CTBP2: variants seen among roughly 807,000 people sequenced by gnomAD.
The protein encoded by CTBP2 is C-terminal binding protein 2, also known as C-terminal-binding protein 2.
Under a neutral mutation model 80.3 loss-of-function variants are expected in CTBP2, and 30 were observed. That is an observed-to-expected ratio of 0.37 (90% CI 0.28 to 0.51). CTBP2 has a LOEUF of 0.51. Among genes scored for constraint, CTBP2 ranks in the 20% least tolerant of loss-of-function variants. CTBP2 has a pLI of 0.93. For synonymous variants in CTBP2, 594 were observed against 587.4 expected, an observed-to-expected ratio of 1.01 and a Z score of -0.16; for missense variants, 1,212 against 1,375.3, an observed-to-expected ratio of 0.88 and a Z score of 1.88.
At chr10:125,038,434 C>T (rs1340309794) in intron 3 of CTBP2, among the ~76,000 whole-genome samples, 2 of 152,174 alleles carry the variant, frequency 1.3e-5, no homozygotes, top group Non-Finnish European at 2.9e-5. Flanking sequence ...CACCCGCTAG[C>T]TGGAAGAGCG....
rs1162192536 is a variant in CTBP2, at chr10:125,027,026, C to T, written c.734G>A (p.Ser245Asn). 2 of 1,613,500 alleles carry T rather than the reference C, an allele frequency of 1.2e-6. No homozygotes were observed. The highest frequency in any genetic ancestry group is 1.3e-5 in the African/African-American group (1 of 74,948). Reference sequence around the variant, plus strand: ...CAGGGCCCCTGGGGCCACCCCTGTGCTGCCTTCGGGGGCAGCAGCTGAACT... The same window carrying T: ...CAGGGCCCCTGGGGCCACCCCTGTGTTGCCTTCGGGGGCAGCAGCTGAACT... Residue 245 changes from serine (S) to asparagine (N), a missense_variant, in exon 1 of 9, where the codon AGC (serine) becomes AAC (asparagine). Ser to Asn is a conservative substitution (Grantham distance 46). This residue lies in a region of CTBP2 where 848 missense variants were observed against 782.3 expected (regional missense o/e 1.08). Transcript: ENST00000309035.
At chr10:125,044,146 G>A (rs1960622122) in intron 2 of CTBP2, among the ~76,000 whole-genome samples, 1 of 152,190 alleles carries the variant, frequency 6.6e-6, no homozygotes, top group Non-Finnish European at 1.5e-5. Context: ...CCACCCTTCT[G>A]AGCCTGGGAT....
chr10:125,085,240 C>T (rs981567207), intron 2 of CTBP2, among the ~76,000 whole-genome samples: 4 of 152,138 alleles, frequency 2.6e-5, no homozygotes, highest in Non-Finnish European at 4.4e-5. Flanking sequence ...AGAGAAAAGC[C>T]GCCAACATTT....
At chr10:125,018,674 T>C (rs934084085) in intron 1 of CTBP2, among the ~76,000 whole-genome samples, 1 of 152,204 alleles carries the variant, frequency 6.6e-6, no homozygotes, top group African/African-American at 2.4e-5. Context: ...ACCTCGGCCC[T>C]GGCAAAGGGG....
At chr10:125,009,012 T>C (rs1438467387) in intron 1 of CTBP2, among the ~76,000 whole-genome samples, 2 of 152,198 alleles carry the variant, frequency 1.3e-5, no homozygotes, top group Admixed American at 1.3e-4. Flanking sequence ...AAGTTCTAAG[T>C]TGCTAGCCAA....
chr10:124,985,178 G>A lies in CTBP2; in HGVS notation c.*4340C>T. On this transcript the variant is annotated 3_prime_UTR_variant, in exon 9 of 9. Transcript: ENST00000309035. ...TGCCTCTGCTGCGTGAGGAGACAGA[G>A]AACTTTAGTTGGACTACAGTTTGTA... 1.9e-6 allele frequency: 1 copy of A among 515,744 alleles called. No homozygotes were observed. The highest frequency in any genetic ancestry group is 3.4e-6 in the Non-Finnish European group (1 of 293,966). 31.9% of individuals were successfully genotyped at this position (515,744 alleles called of 1,614,324 possible).
At chr10:125,031,939 G>T (rs1160594835), upstream of CTBP2, among the ~76,000 whole-genome samples, 1 of 152,164 alleles carries the variant, frequency 6.6e-6, no homozygotes, top group Non-Finnish European at 1.5e-5. Flanking sequence ...ATTTAGCCAT[G>T]GTAAGTGAAA....
intron 4 of CTBP2, 192 bp downstream of exon 6, chr10:124,997,772 A>T (rs1953828952): frequency 4.9e-6 from 3 of 607,232 alleles, no homozygotes; most frequent in East Asian, 2.8e-5. Flanking sequence ...ACCAGCCCAG[A>T]TCCTGCCTCT....
At chr10:125,070,024 T>TTATA (rs144159067) in intron 2 of CTBP2, among the ~76,000 whole-genome samples, 1 of 151,238 alleles carries the variant, frequency 6.6e-6, no homozygotes, top group African/African-American at 2.4e-5. Flanking sequence ...CTCAGCAGTT[T>TTATA]TATATATATA....
intron 2 of CTBP2, among the ~76,000 whole-genome samples, chr10:125,072,039 C>A (rs1845563638): frequency 6.6e-6 from 1 of 152,168 alleles, no homozygotes; most frequent in Admixed American, 6.5e-5. Flanking sequence ...GAGACCTGGA[C>A]ATGGGCTTTT....
chr10:125,016,268 C>T (rs187067700), intron 1 of CTBP2, among the ~76,000 whole-genome samples: 19 of 152,280 alleles, frequency 1.2e-4, no homozygotes, highest in African/African-American at 2.9e-4. Flanking sequence ...TGCAGCGAGC[C>T]GAGTGCCACT....
chr10:125,080,043 T>A (rs962961148), intron 2 of CTBP2, among the ~76,000 whole-genome samples: 1 of 152,220 alleles, frequency 6.6e-6, no homozygotes, highest in Non-Finnish European at 1.5e-5. Flanking sequence ...AAATAAAACG[T>A]TCCTCCAAGT....
chr10:125,040,062 T>C (rs901710695), intron 2 of CTBP2, among the ~76,000 whole-genome samples: 2 of 152,178 alleles, frequency 1.3e-5, no homozygotes, highest in Admixed American at 6.5e-5. Context: ...CTGTCACCAA[T>C]GTGCCCGGTG....
At chr10:124,997,010 C>T (rs1226402027) in intron 4 of CTBP2, 11 of 152,406 alleles carry the variant, frequency 7.2e-5, no homozygotes, top group African/African-American at 2.7e-4. Context: ...CTCTCTTGTT[C>T]AAGTGGCACC....
At chr10:125,141,723 G>A (rs148369360) in intron 1 of CTBP2, among the ~76,000 whole-genome samples, 1 of 152,050 alleles carries the variant, frequency 6.6e-6, no homozygotes, top group African/African-American at 2.4e-5. Context: ...GCAAGTACAT[G>A]GCAAATGCAC....
intron 2 of CTBP2, among the ~76,000 whole-genome samples, chr10:125,039,613 A>G (rs571278605): frequency 4.0e-4 from 61 of 152,320 alleles, no homozygotes; most frequent in African/African-American, 1.4e-3. Context: ...AGTTACAACA[A>G]TGCTTTCCAA....
At chr10:125,105,953 C>T (rs559616316) in intron 2 of CTBP2, among the ~76,000 whole-genome samples, 1 of 152,208 alleles carries the variant, frequency 6.6e-6, no homozygotes, top group Non-Finnish European at 1.5e-5. Flanking sequence ...AAGTGAGGCT[C>T]TGGCCCTGCC....
In CTBP2 at chr10:124,995,892, C is replaced by A. The variant is rs2280617; in HGVS notation, c.2186-1209G>T. Among the ~76,000 whole-genome samples, 357 of 152,130 alleles carry A rather than the reference C, an allele frequency of 2.3e-3. 9 individuals are homozygous for A. In the East Asian group the frequency reaches 0.062, roughly 26 times the overall value. ...CACAGGACCCCCGCCTGCCTTCCCC[C>A]GTTCCTGCAGCCTCCATCCCCCTCA... On this transcript the variant is annotated intron_variant, in intron 4 of 8. Coordinates refer to ENST00000309035, the MANE Select transcript of CTBP2 (RefSeq NM_022802.3).
intron 2 of CTBP2, among the ~76,000 whole-genome samples, chr10:125,067,741 T>C (rs1273508550): frequency 1.3e-5 from 2 of 152,214 alleles, no homozygotes; most frequent in Non-Finnish European, 1.5e-5. Flanking sequence ...GCTGTCAGTC[T>C]GTGCACGTAG....
Sources: allele counts gnomAD v4.1 joint callset (sites outside exome capture counted in the v4.1 genomes callset), GRCh38; gene constraint gnomAD v4.1.1; regional missense constraint gnomAD v4.1.1; transcripts MANE v1.5; gene names NCBI Gene and HGNC (gene_info 2026-07-23, HGNC 2026-07-21).